The following HIVEP1 variants were observed in gnomAD, a reference collection of about 807,000 sequenced individuals.
The protein encoded by HIVEP1 is HIVEP zinc finger 1, also known as zinc finger protein 40.
HIVEP1 carries 36 observed loss-of-function variants against 180.0 expected under a neutral mutation model. That is an observed-to-expected ratio of 0.20 (90% confidence interval 0.15 to 0.26). The LOEUF (loss-of-function observed/expected upper bound fraction) is 0.26, where lower values mean the gene tolerates loss of function less well. Ranked by LOEUF, HIVEP1 falls within the 10% of genes least tolerant of loss-of-function variation. The pLI is 1.00. For missense variants in HIVEP1, 3,143 were observed against 3,268.7 expected, an observed-to-expected ratio of 0.96 and a Z score of 0.94; for synonymous variants, 1,239 against 1,239.0, an observed-to-expected ratio of 1.00 and a Z score of 0.00.
At chr6:12,040,425 T>A (rs1769601956) in intron 2 of HIVEP1, among the ~76,000 whole-genome samples, 2 of 152,200 alleles carry the variant, frequency 1.3e-5, no homozygotes, top group Admixed American at 6.5e-5. Flanking sequence ...TACAGGTAGA[T>A]TTACATATCT....
chr6:12,037,256 TA>T (rs1344992196), intron 2 of HIVEP1, among the ~76,000 whole-genome samples: 1 of 152,206 alleles, frequency 6.6e-6, no homozygotes, highest in African/African-American at 2.4e-5. Flanking sequence ...GTTCAGTATG[TA>T]TTATTTGTCT....
chr6:12,188,859 A>T, the HIVEP1 span, among the ~76,000 whole-genome samples: 2 of 152,056 alleles, frequency 1.3e-5, no homozygotes, highest in Non-Finnish European at 2.9e-5. Flanking sequence ...TTCTAAGTTC[A>T]GTGGAAAAAT....
At chr6:12,051,001 CATATATATAT>C (rs1161977899) in intron 2 of HIVEP1, among the ~76,000 whole-genome samples, 3,583 of 77,632 alleles carry the variant, frequency 0.046, 261 homozygotes, top group African/African-American at 0.13. Flanking sequence ...TACACAAGTG[CATATATATAT>C]ATATATATAT....
At chr6:12,035,073 C>T (rs549306077) in intron 2 of HIVEP1, among the ~76,000 whole-genome samples, 4 of 152,202 alleles carry the variant, frequency 2.6e-5, no homozygotes, top group South Asian at 2.1e-4. Context: ...TTTCTGGTTA[C>T]GGAAAGTGTG....
chr6:12,210,336 G>T, the HIVEP1 span, among the ~76,000 whole-genome samples: 83 of 152,200 alleles, frequency 5.5e-4, no homozygotes, highest in African/African-American at 2.7e-4. Context: ...TAGCCTTCAA[G>T]ATAAGAAAGA....
intron 2 of HIVEP1, among the ~76,000 whole-genome samples, chr6:12,018,034 A>C (rs1274850656): frequency 6.6e-6 from 1 of 152,350 alleles, no homozygotes; most frequent in Middle Eastern, 3.4e-3. Context: ...GTGCTTAGGC[A>C]TGGCGGGCTG....
intron 2 of HIVEP1, among the ~76,000 whole-genome samples, chr6:12,075,283 ATC>A (rs1772276768): frequency 6.6e-6 from 1 of 152,242 alleles, no homozygotes; most frequent in Admixed American, 6.5e-5. Flanking sequence ...CTATCTCCCA[ATC>A]CCCTCGAAAG....
At chr6:12,180,479 A>C in the HIVEP1 span, among the ~76,000 whole-genome samples, 1 of 152,194 alleles carries the variant, frequency 6.6e-6, no homozygotes, top group Non-Finnish European at 1.5e-5. Context: ...GTTTATACTA[A>C]GTATTTAAAA....
chr6:12,113,690 C>A (rs1775045304), intron 3 of HIVEP1, among the ~76,000 whole-genome samples: 1 of 152,142 alleles, frequency 6.6e-6, no homozygotes, highest in Non-Finnish European at 1.5e-5. Flanking sequence ...TCCCACTCTA[C>A]TAATAGATGA....
At chr6:12,211,198 G>A in the HIVEP1 span, among the ~76,000 whole-genome samples, 5 of 132,182 alleles carry the variant, frequency 3.8e-5, no homozygotes, top group Non-Finnish European at 7.9e-5. Context: ...AGGAGATTGA[G>A]ACCATCCTGG....
At chr6:12,114,888 GTCTGA>G (rs1775122970) in intron 3 of HIVEP1, among the ~76,000 whole-genome samples, 1 of 152,150 alleles carries the variant, frequency 6.6e-6, no homozygotes, top group Admixed American at 6.5e-5. Context: ...TGGCCTCCTG[GTCTGA>G]TCTCTTGACC....
At chr6:12,020,233 G>A in intron 2 of HIVEP1, 1 of 450,034 alleles carries the variant, frequency 2.2e-6, no homozygotes, top group South Asian at 1.7e-5. Context: ...CTCCATGCCT[G>A]TTTCCCATCT....
intron 3 of HIVEP1, among the ~76,000 whole-genome samples, chr6:12,116,595 C>G (rs1290080077): frequency 6.6e-6 from 1 of 152,150 alleles, no homozygotes; most frequent in African/African-American, 2.4e-5. Flanking sequence ...CCAGGGTCAT[C>G]TCACTACCTC....
At chr6:12,130,458 A>T (rs1409283708) in intron 5 of HIVEP1, among the ~76,000 whole-genome samples, 1 of 152,138 alleles carries the variant, frequency 6.6e-6, no homozygotes. Flanking sequence ...GGATCATGTG[A>T]GCCCGGGAGG....
At chr6:12,187,682 T>C in the HIVEP1 span, among the ~76,000 whole-genome samples, 1 of 151,240 alleles carries the variant, frequency 6.6e-6, no homozygotes, top group South Asian at 2.1e-4. Flanking sequence ...AACCTCTGAC[T>C]CCAGGATTCA....
In HIVEP1 at chr6:12,063,186, A is replaced by G. The variant is rs963920505; in HGVS notation, c.41-25998A>G. On this transcript the variant is annotated intron_variant, in intron 2 of 8. Coordinates refer to ENST00000379388, the MANE Select transcript of HIVEP1 (RefSeq NM_002114.4). The surrounding 1 kb of genome is among the most constrained non-coding windows in gnomAD (Gnocchi z 4.2). ...TAATATTGAATGCTTTTCAGTTATC[A>G]TTAAAATATTTATTGATTTCTAGCA... 6.6e-6 allele frequency among the ~76,000 whole-genome samples: 1 copy of G among 152,254 alleles called. No individual in the cohort carries two copies. The highest frequency in any genetic ancestry group is 2.4e-5 in the African/African-American group (1 of 41,464).
chr6:12,072,084 T>C (rs1231712446), intron 2 of HIVEP1, among the ~76,000 whole-genome samples: 2 of 120,684 alleles, frequency 1.7e-5, no homozygotes, highest in African/African-American at 3.3e-5. Context: ...ATATTCTTCT[T>C]CTTTTTTTTT....
Position 12,084,349 on chromosome 6 carries a change from G to A in HIVEP1, c.41-4835G>A, listed in dbSNP as rs763691963. Among the ~76,000 whole-genome samples, 8 of 152,200 alleles carry A rather than the reference G, an allele frequency of 5.3e-5. No individual in the cohort carries two copies. The East Asian group carries it at 7.7e-4, about 15-fold the overall frequency. ...CTATCATTTTCAGCATTATAACAGC[G>A]TGTCATCTTCCTCAAAGACAGGTAA... On this transcript the variant is annotated intron_variant, in intron 2 of 8. Coordinates refer to ENST00000379388, the MANE Select transcript of HIVEP1 (RefSeq NM_002114.4).
rs764828336 is a variant in HIVEP1, at chr6:12,124,353, G to A, written c.4558G>A (p.Ala1520Thr). The A allele has an allele frequency of 1.2e-6, 2 of 1,614,056 alleles. No individual in the cohort carries two copies. The highest frequency in any genetic ancestry group is 1.6e-4 in the Middle Eastern group (1 of 6,062). Residue 1520 changes from alanine (A) to threonine (T), a missense_variant, in exon 4 of 9, where the codon GCA becomes ACA. By Grantham distance (58) the Ala-to-Thr change is moderately conservative (BLOSUM62 0). This residue lies in a region of HIVEP1 where 1,357 missense variants were observed against 1,260.5 expected (regional missense o/e 1.08). Coordinates refer to ENST00000379388, the MANE Select transcript of HIVEP1 (RefSeq NM_002114.4). Reference protein sequence around the residue: ...CDINLLNQIHAPPSHQSTQLS... With the variant: ...CDINLLNQIHTPPSHQSTQLS... The stretch of plus-strand genomic sequence containing the variant: ...TATCAATTTGTTAAATCAAATCCAT[G>A]CACCGCCTAGCCACCAGAGCACACA...
Sources: allele counts gnomAD v4.1 joint callset (sites outside exome capture counted in the v4.1 genomes callset), GRCh38; gene constraint gnomAD v4.1.1; regional missense constraint gnomAD v4.1.1; non-coding constraint Gnocchi (gnomAD v3.1); transcripts MANE v1.5; gene names NCBI Gene and HGNC (gene_info 2026-07-23, HGNC 2026-07-21).